The following CEP128 variants were observed in gnomAD, a reference collection of about 807,000 sequenced individuals.
The protein encoded by CEP128 is centrosomal protein 128.
Under a neutral mutation model 156.7 loss-of-function variants are expected in CEP128, and 132 were observed. That is an observed-to-expected ratio of 0.84 (90% CI 0.73 to 0.97). The LOEUF (loss-of-function observed/expected upper bound fraction) is 0.97. CEP128 is among the 50% of genes least tolerant of loss of function. CEP128 has a pLI of 0.00. For missense variants in CEP128, 1,252 were observed against 1,281.9 expected (o/e 0.98, Z 0.36); for synonymous variants, 469 against 448.9 (o/e 1.04, Z -0.57).
chr14:80,876,286 A>T (rs1888277229), intron 8 of CEP128, among the ~76,000 whole-genome samples: 1 of 152,000 alleles, frequency 6.6e-6, no homozygotes, highest in Non-Finnish European at 1.5e-5. Flanking sequence ...TAGAGAAAAA[A>T]ATCTATTACA....
chr14:80,539,781 C>A (rs1889658773), intron 21 of CEP128, among the ~76,000 whole-genome samples: 1 of 152,110 alleles, frequency 6.6e-6, no homozygotes, highest in Non-Finnish European at 1.5e-5. Flanking sequence ...TCGCCAAGTT[C>A]TTTTCCTAGC....
At chr14:80,909,902 A>T (rs909322742) in intron 4 of CEP128, among the ~76,000 whole-genome samples, 2 of 152,214 alleles carry the variant, frequency 1.3e-5, no homozygotes, top group South Asian at 4.1e-4. Context: ...AAACAAAATT[A>T]AATAAAAACA....
At chr14:80,799,537 T>C (rs967820227) in intron 13 of CEP128, among the ~76,000 whole-genome samples, 1 of 152,170 alleles carries the variant, frequency 6.6e-6, no homozygotes, top group Non-Finnish European at 1.5e-5. Context: ...GAGCCATATT[T>C]TTCTTCTTGC....
intron 2 of CEP128, among the ~76,000 whole-genome samples, chr14:80,954,196 G>A (rs948633392): frequency 2.0e-5 from 3 of 152,082 alleles, no homozygotes; most frequent in Non-Finnish European, 4.4e-5. Flanking sequence ...CTTGAACCTC[G>A]GAGGCAAAGG....
At chr14:80,902,888 C>T (rs534791468) in intron 6 of CEP128, among the ~76,000 whole-genome samples, 4 of 152,248 alleles carry the variant, frequency 2.6e-5, no homozygotes, top group South Asian at 2.1e-4. Context: ...AAACAAAACA[C>T]GTCCAATTAA....
chr14:80,596,842 A>AAAAAAAAAAAAG (rs1555379468), intron 19 of CEP128, among the ~76,000 whole-genome samples: 26 of 69,810 alleles, frequency 3.7e-4, no homozygotes, highest in South Asian at 1.1e-3. Flanking sequence ...AAAAAAAAAA[A>AAAAAAAAAAAAG]GGTGGGGGGG....
intron 2 of CEP128, among the ~76,000 whole-genome samples, chr14:80,922,731 A>T (rs1884939306): frequency 6.6e-6 from 1 of 152,220 alleles, no homozygotes; most frequent in African/African-American, 2.4e-5. Flanking sequence ...AAAAGAAAAA[A>T]GTTCAATTAG....
intron 19 of CEP128, among the ~76,000 whole-genome samples, chr14:80,645,415 TTAAGTC>T (rs1322581907): frequency 6.6e-6 from 1 of 152,150 alleles, no homozygotes; most frequent in Non-Finnish European, 1.5e-5. Flanking sequence ...GCAGCATACA[TTAAGTC>T]TAAGTGAATG....
chr14:80,760,646 T>C (rs1595360630), intron 17 of CEP128, among the ~76,000 whole-genome samples: 1 of 152,104 alleles, frequency 6.6e-6, no homozygotes, highest in East Asian at 1.9e-4. Flanking sequence ...TAATGTATTA[T>C]GGCTACACAT....
intron 19 of CEP128, among the ~76,000 whole-genome samples, chr14:80,732,689 G>A (rs1898337590): frequency 6.6e-6 from 1 of 152,124 alleles, no homozygotes; most frequent in South Asian, 2.1e-4. Flanking sequence ...TTACTAAACA[G>A]CAGATTAAAG....
chr14:80,619,848 G>C (rs919191573), intron 19 of CEP128, among the ~76,000 whole-genome samples: 1 of 152,148 alleles, frequency 6.6e-6, no homozygotes, highest in Non-Finnish European at 1.5e-5. Context: ...GAGTAGGCCA[G>C]GTATGGTGGC....
At chr14:80,670,639 G>C (rs1313562106) in intron 19 of CEP128, among the ~76,000 whole-genome samples, 1 of 152,034 alleles carries the variant, frequency 6.6e-6, no homozygotes, top group African/African-American at 2.4e-5. Context: ...ATAGTGTGAG[G>C]GGGGTGAGAG....
intron 19 of CEP128, among the ~76,000 whole-genome samples, chr14:80,718,812 G>A (rs1014581923): frequency 1.3e-5 from 2 of 152,168 alleles, no homozygotes; most frequent in African/African-American, 4.8e-5. Flanking sequence ...GCATAAAGCA[G>A]GCTAAATAGG....
intron 15 of CEP128, among the ~76,000 whole-genome samples, chr14:80,782,965 CTCT>C (rs1901205993): frequency 6.6e-6 from 1 of 152,074 alleles, no homozygotes; most frequent in Non-Finnish European, 1.5e-5. Context: ...GAGTCTCATC[CTCT>C]TTTTATTCCC....
At position 80,905,941 on chromosome 14, in the gene CEP128, T is replaced by G. The variant is rs1007735387; in HGVS notation, c.361+14A>C. ...AATATTTTTAATGTTTTTCAGAACA[T>G]TTGAAGTGTTTACCTGACCCAGTGC... On this transcript the variant is annotated intron_variant, in intron 5 of 24. Coordinates refer to ENST00000555265, the MANE Select transcript of CEP128 (RefSeq NM_152446.5). The G allele has an allele frequency of 6.2e-7, 1 of 1,606,172 alleles. No homozygotes were observed.
intron 17 of CEP128, among the ~76,000 whole-genome samples, chr14:80,760,786 C>G (rs1373971349): frequency 6.6e-6 from 1 of 152,082 alleles, no homozygotes; most frequent in African/African-American, 2.4e-5. Flanking sequence ...TACTATGACT[C>G]TAAATTGTGT....
At chr14:80,519,055 T>A (rs1285618957) in intron 23 of CEP128, among the ~76,000 whole-genome samples, 2 of 152,206 alleles carry the variant, frequency 1.3e-5, no homozygotes, top group East Asian at 3.8e-4. Flanking sequence ...GCTTAAGTAT[T>A]AAAAAGGAAA....
chr14:80,791,454 T>A (rs1901699325), intron 14 of CEP128, among the ~76,000 whole-genome samples: 1 of 152,210 alleles, frequency 6.6e-6, no homozygotes, highest in African/African-American at 2.4e-5. Flanking sequence ...TACTGTATGA[T>A]AACATGGACC....
chr14:80,574,055 C>A (rs557012944), intron 20 of CEP128, among the ~76,000 whole-genome samples: 95 of 152,258 alleles, frequency 6.2e-4, no homozygotes, highest in Middle Eastern at 3.4e-3. Context: ...AATAAAAATT[C>A]TGTTATAACT....
Sources: gnomAD v4.1 joint callset for allele counts (sites outside exome capture counted in the v4.1 genomes callset) on GRCh38, gnomAD v4.1.1 for gene constraint, MANE v1.5 for transcripts, NCBI Gene and HGNC (gene_info 2026-07-23, HGNC 2026-07-21) for gene names.